The following GALNT10 variants were observed in gnomAD, a reference collection of about 807,000 sequenced individuals.
The protein encoded by GALNT10 is polypeptide N-acetylgalactosaminyltransferase 10.
Under a neutral mutation model 75.0 loss-of-function variants are expected in GALNT10, and 41 were observed. The ratio of observed to expected loss-of-function variants is 0.55; its 90% CI spans 0.43 to 0.71. The LOEUF (loss-of-function observed/expected upper bound fraction) is 0.71, where lower values mean the gene tolerates loss of function less well. GALNT10 is among the 30% of genes least tolerant of loss of function. The probability of loss-of-function intolerance (pLI) is 0.00; values close to 1 mark genes in which losing one functional copy is unlikely to be tolerated. For missense variants in GALNT10, 727 were observed against 818.5 expected (o/e 0.89, Z 1.36); for synonymous variants, 302 against 313.0 (o/e 0.96, Z 0.37).
At chr5:154,204,077 G>A (rs1561627571) in intron 1 of GALNT10, among the ~76,000 whole-genome samples, 1 of 152,302 alleles carries the variant, frequency 6.6e-6, no homozygotes, top group East Asian at 1.9e-4. Flanking sequence ...TGATGAAAGA[G>A]CCCTGGGTTT....
chr5:154,304,199 GGTGTGT>G (rs1360387438), intron 3 of GALNT10, among the ~76,000 whole-genome samples: 2 of 152,092 alleles, frequency 1.3e-5, no homozygotes, highest in African/African-American at 2.4e-5. Flanking sequence ...ATGTAATTAG[GGTGTGT>G]GTAAGGAAGT....
intron 4 of GALNT10, among the ~76,000 whole-genome samples, chr5:154,346,894 T>C (rs1487639454): frequency 6.6e-6 from 1 of 151,952 alleles, no homozygotes; most frequent in African/African-American, 2.4e-5. Context: ...TATAGATTAA[T>C]TGAGATATTT....
chr5:154,250,835 T>G (rs972655991), intron 1 of GALNT10, among the ~76,000 whole-genome samples: 1 of 152,194 alleles, frequency 6.6e-6, no homozygotes, highest in African/African-American at 2.4e-5. Flanking sequence ...ATCCTCTGCA[T>G]ATAGCCATTG....
chr5:154,260,799 C>A (rs1216951962), intron 1 of GALNT10, among the ~76,000 whole-genome samples: 6 of 152,158 alleles, frequency 3.9e-5, no homozygotes, highest in Non-Finnish European at 8.8e-5. Flanking sequence ...TATTTAGCTT[C>A]TTCACGTGAG....
At chr5:154,396,295 G>A (rs60039384) in intron 7 of GALNT10, among the ~76,000 whole-genome samples, 2,647 of 152,264 alleles carry the variant, frequency 0.017, 88 homozygotes, top group African/African-American at 0.06. Flanking sequence ...AAGCCCCCAG[G>A]GCAGAAAAGT....
At chr5:154,198,392 G>A (rs963045879) in intron 1 of GALNT10, among the ~76,000 whole-genome samples, 2 of 152,224 alleles carry the variant, frequency 1.3e-5, no homozygotes, top group Non-Finnish European at 2.9e-5. Flanking sequence ...CCTTTGTGAA[G>A]TGCCTCGCCT....
intron 4 of GALNT10, among the ~76,000 whole-genome samples, chr5:154,342,485 G>T (rs1017851962): frequency 3.3e-5 from 5 of 152,120 alleles, no homozygotes; most frequent in Admixed American, 6.5e-5. Flanking sequence ...GTGGTTCTAG[G>T]GTGGGCCTCA....
chr5:154,244,411 T>C (rs1182959949), intron 1 of GALNT10, among the ~76,000 whole-genome samples: 1 of 152,044 alleles, frequency 6.6e-6, no homozygotes, highest in Non-Finnish European at 1.5e-5. Flanking sequence ...TAAAAAATTT[T>C]TTTTTAATTA....
chr5:154,312,951 G>A (rs1213122053), intron 3 of GALNT10, among the ~76,000 whole-genome samples: 1 of 152,136 alleles, frequency 6.6e-6, no homozygotes. Flanking sequence ...ACATCTGTAG[G>A]AGGGCCAAAA....
rs569475657 is a variant in GALNT10, at chr5:154,369,307, G to A, written c.569-6970G>A. 2.6e-5 allele frequency among the ~76,000 whole-genome samples: 4 copies of A among 152,306 alleles called. No individual in the cohort carries two copies. In the East Asian group the frequency reaches 7.7e-4, roughly 29 times the overall value. ...GGAGGCTGAGGCAGGAGAATCACTT[G>A]AACCCAGGAAGCGGAGGCTGCAGTG... On this transcript the variant is annotated intron_variant, in intron 4 of 11. Transcript: ENST00000297107.
intron 1 of GALNT10, among the ~76,000 whole-genome samples, chr5:154,206,506 G>C (rs929667274): frequency 7.2e-5 from 11 of 152,228 alleles, no homozygotes; most frequent in Non-Finnish European, 1.3e-4. Context: ...GACGAGTGTT[G>C]CAAGAGGAGA....
chr5:154,196,699 G>A (rs1261992152), intron 1 of GALNT10, among the ~76,000 whole-genome samples: 2 of 152,114 alleles, frequency 1.3e-5, no homozygotes, highest in African/African-American at 4.8e-5. Flanking sequence ...TTTTCTATAA[G>A]CTCTAGCAAG....
At chr5:154,231,199 C>T (rs1753145112) in intron 1 of GALNT10, among the ~76,000 whole-genome samples, 1 of 152,190 alleles carries the variant, frequency 6.6e-6, no homozygotes, top group Admixed American at 6.5e-5. Flanking sequence ...TTTCAGAAAG[C>T]TGTGTGTTAC....
intron 1 of GALNT10, among the ~76,000 whole-genome samples, chr5:154,269,792 A>G (rs1753834518): frequency 6.6e-6 from 1 of 152,132 alleles, no homozygotes; most frequent in South Asian, 2.1e-4. Flanking sequence ...TTCGGAAGGG[A>G]ATTAGGGGCT....
chr5:154,384,275 A>G (rs1033059556), intron 6 of GALNT10, among the ~76,000 whole-genome samples: 1 of 152,164 alleles, frequency 6.6e-6, no homozygotes, highest in African/African-American at 2.4e-5. Flanking sequence ...CATTGTTTAG[A>G]TGGGGAATAG....
intron 1 of GALNT10, among the ~76,000 whole-genome samples, chr5:154,217,148 G>A (rs957984349): frequency 6.6e-6 from 1 of 152,144 alleles, no homozygotes; most frequent in Admixed American, 6.5e-5. Flanking sequence ...AGGTCAGGCA[G>A]CCCCCACTTC....
At chr5:154,225,090 GTTTT>G (rs1234485197) in intron 1 of GALNT10, among the ~76,000 whole-genome samples, 2 of 144,574 alleles carry the variant, frequency 1.4e-5, no homozygotes, top group Non-Finnish European at 3.0e-5. Context: ...CCTTTTTGGG[GTTTT>G]TTTGTTTGTT....
intron 1 of GALNT10, among the ~76,000 whole-genome samples, chr5:154,270,487 G>T (rs1753845282): frequency 6.6e-6 from 1 of 151,930 alleles, no homozygotes; most frequent in South Asian, 2.1e-4. Context: ...TGCATCCCTG[G>T]TTGAACAACA....
At position 154,353,299 on chromosome 5, in the gene GALNT10, C is replaced by G. The variant is rs574772755; in HGVS notation, c.569-22978C>G. Among the ~76,000 whole-genome samples, 562 of 152,242 alleles carry G rather than the reference C, an allele frequency of 3.7e-3. 1 individual carries two copies. Among genetic ancestry groups the G allele is most frequent in the Non-Finnish European group, 5.7e-3 (388 of 68,010 alleles). ...CAGATTGCAATGACACCACCCCCCGCAAAACGACCTTCTAAATATCATCCT... is the reference window on the plus strand; with the variant it reads ...CAGATTGCAATGACACCACCCCCCGGAAAACGACCTTCTAAATATCATCCT... On this transcript the variant is annotated intron_variant, in intron 4 of 11. Coordinates refer to ENST00000297107, the MANE Select transcript of GALNT10 (RefSeq NM_198321.4).
Sources: allele counts gnomAD v4.1 joint callset (sites outside exome capture counted in the v4.1 genomes callset), GRCh38; gene constraint gnomAD v4.1.1; transcripts MANE v1.5; gene names NCBI Gene and HGNC (gene_info 2026-07-23, HGNC 2026-07-21).